Variants in EP400 observed in about 807,000 individuals in gnomAD.
EP400 encodes the protein E1A-binding protein p400.
Under a neutral mutation model 354.1 loss-of-function variants are expected in EP400, and 105 were observed. That is an observed-to-expected ratio of 0.30 (90% CI 0.25 to 0.35). EP400 has a LOEUF of 0.35. Ranked by LOEUF, EP400 falls within the 10% of genes least tolerant of loss-of-function variation. EP400 has a pLI of 1.00. For synonymous variants in EP400, 1,646 were observed against 1,716.9 expected (o/e 0.96, Z 1.02); for missense variants, 3,280 against 4,121.0 (o/e 0.80, Z 5.59).
At position 132,023,821 on chromosome 12, in the gene EP400, C is replaced by A. The variant is rs1404149585; in HGVS notation, c.4735C>A (p.Pro1579Thr). Residue 1579 changes from proline to threonine, a missense_variant, in exon 24 of 53, where the codon CCA becomes ACA. By Grantham distance (38) the Pro-to-Thr change is conservative. This residue lies in a region of EP400 where 342 missense variants were observed against 342.7 expected (regional missense o/e 1.00). Transcript: ENST00000389561. ...KIAQLASITGPQSRVAQPETP... is the reference protein window; with the variant it reads ...KIAQLASITGTQSRVAQPETP... ...AGCTCAGCTGGCATCCATCACAGGA[C>A]CACAGAGCCGCGTGGCTCAGCCAGA... The A allele has an allele frequency of 6.2e-7, 1 of 1,613,982 alleles. No individual in the cohort carries two copies.
intron 5 of EP400, among the ~76,000 whole-genome samples, chr12:131,983,654 T>A (rs1464099850): frequency 1.3e-5 from 2 of 152,138 alleles, no homozygotes; most frequent in Non-Finnish European, 2.9e-5. Flanking sequence ...ACAAAGGAAT[T>A]TCCTAGGTGG....
chr12:131,996,756 ATGAAG>A (rs1052117637), intron 12 of EP400, among the ~76,000 whole-genome samples: 4 of 152,182 alleles, frequency 2.6e-5, no homozygotes, highest in African/African-American at 9.7e-5. Flanking sequence ...GTGATAACTG[ATGAAG>A]TGAAGCATCT....
chr12:132,076,526 T>C lies in EP400; in HGVS notation c.9032T>C (p.Leu3011Pro). ...QVQTQIQVAK[L>P]PQVVQQQTPV... Reference sequence around the variant, plus strand: ...TTTGTTTTGTCAAAGGTTGCAAAACTTCCTCAAGTTGTTCAACAGCAAACA... The same window carrying C: ...TTTGTTTTGTCAAAGGTTGCAAAACCTCCTCAAGTTGTTCAACAGCAAACA... Residue 3011 changes from leucine to proline, a missense_variant, in exon 52 of 53, where the codon CTT (leucine) becomes CCT (proline). This residue lies in a region of EP400 where 279 missense variants were observed against 386.7 expected (regional missense o/e 0.72). Coordinates refer to ENST00000389561, the MANE Select transcript of EP400 (RefSeq NM_015409.5). 1.2e-6 allele frequency: 2 copies of C among 1,614,188 alleles called. No individual in the cohort carries two copies. Among genetic ancestry groups the C allele is most frequent in the Non-Finnish European group, 1.7e-6 (2 of 1,180,014 alleles).
intron 23 of EP400, 70 bp from the exon 24 acceptor site, chr12:132,023,707 C>A: frequency 6.6e-7 from 1 of 1,511,976 alleles, no homozygotes; most frequent in South Asian, 1.2e-5. Context: ...CAAGAAACGA[C>A]TGTCAATATG....
chr12:131,993,948 G>A (rs1416873552), intron 11 of EP400, among the ~76,000 whole-genome samples: 2 of 152,204 alleles, frequency 1.3e-5, no homozygotes, highest in Non-Finnish European at 2.9e-5. Flanking sequence ...CTCAGAGAAG[G>A]CCAAATTAAC....
intron 2 of EP400, 122 bp downstream of exon 2, chr12:131,962,076 G>A: frequency 7.6e-7 from 1 of 1,314,288 alleles, no homozygotes; most frequent in Non-Finnish European, 1.0e-6. Flanking sequence ...TAAGGTGTTG[G>A]GGCAAGGATT....
intron 3 of EP400, 40 bp downstream of exon 3, chr12:131,979,833 C>G: frequency 1.3e-6 from 2 of 1,531,884 alleles, no homozygotes; most frequent in Non-Finnish European, 1.8e-6. Context: ...GAATGCCCCC[C>G]TCTCCTTGGG....
chr12:132,062,316 G>A lies in EP400; in HGVS notation c.8091G>A (p.Val2697=). ...QTPARSLVPQ[V]SQATGVQLPG... is the part of the protein sequence containing the mutation. Reference sequence around the variant, plus strand: ...CGGCACGGTCTTTGGTGCCCCAAGTGTCCCAAGGTAAAGCCAGGCTGGGAG... The same window carrying A: ...CGGCACGGTCTTTGGTGCCCCAAGTATCCCAAGGTAAAGCCAGGCTGGGAG... Residue 2697 remains valine, a synonymous_variant, in exon 46 of 53, where the codon GTG becomes GTA. Transcript: ENST00000389561. The A allele has an allele frequency of 6.2e-7, 1 of 1,614,124 alleles. No individual in the cohort carries two copies. The highest frequency in any genetic ancestry group is 8.5e-7 in the Non-Finnish European group (1 of 1,179,996).
intron 12 of EP400, among the ~76,000 whole-genome samples, chr12:131,997,398 A>G (rs1312004916): frequency 6.6e-6 from 1 of 151,522 alleles, no homozygotes; most frequent in Non-Finnish European, 1.5e-5. Context: ...GCTCCCAAGT[A>G]GCTGGGACTA....
At position 132,025,535 on chromosome 12, in the gene EP400, A is replaced by G. The variant is rs964177300; in HGVS notation, c.4856-111A>G. The G allele has an allele frequency of 3.3e-5, 42 of 1,276,150 alleles. 2 individuals are homozygous for G. The South Asian group carries it at 5.7e-4, about 17-fold the overall frequency. The allele number at this position is 1,276,150 out of a possible 1,614,324, so 79.1% of individuals were successfully genotyped here. A position where few individuals can be genotyped will look rare whatever the true frequency, so the allele number is the denominator to read the frequency against. On this transcript the variant is annotated intron_variant, in intron 24 of 52. Transcript: ENST00000389561. This position sits in a 1 kb window ranked among gnomAD's most constrained non-coding sequence, Gnocchi z 4.1. Reference sequence around the variant, plus strand: ...ACTTTGCATTGATTTTTTTGTGTAGATTTGATTTTCAGTTTGTCAACTTAT... The same window carrying G: ...ACTTTGCATTGATTTTTTTGTGTAGGTTTGATTTTCAGTTTGTCAACTTAT...
At chr12:132,049,315 C>A (rs942523002) in intron 39 of EP400, among the ~76,000 whole-genome samples, 3 of 152,274 alleles carry the variant, frequency 2.0e-5, no homozygotes, top group African/African-American at 7.2e-5. Flanking sequence ...TTATGCACCC[C>A]TTCTCCCTGC....
At chr12:131,980,045 G>T (rs962542978) in intron 3 of EP400, among the ~76,000 whole-genome samples, 14 of 152,222 alleles carry the variant, frequency 9.2e-5, no homozygotes, top group African/African-American at 3.4e-4. Flanking sequence ...AGGCTCTTGA[G>T]TCATCACGGT....
chr12:132,039,811 G>A (rs999371283), intron 32 of EP400, among the ~76,000 whole-genome samples: 1 of 152,242 alleles, frequency 6.6e-6, no homozygotes, highest in Non-Finnish European at 1.5e-5. Context: ...AGCCGAGGCT[G>A]GAGGATGGCT....
chr12:132,079,935 C>T lies in EP400; in HGVS notation c.*2262C>T, dbSNP rs1192106904. ...TTAGTGTGTTATTTTCTTGGCCTTC[C>T]CTTTTAAAGGTTAAAGTTTCTAACC... On this transcript the variant is annotated 3_prime_UTR_variant, in exon 53 of 53. Transcript: ENST00000389561. 6.6e-6 allele frequency: 1 copy of T among 152,164 alleles called. No individual in the cohort carries two copies. The highest frequency in any genetic ancestry group is 1.5e-5 in the Non-Finnish European group (1 of 68,044). 9.4% of individuals were successfully genotyped at this position (152,164 alleles called of 1,614,324 possible).
At chr12:132,069,220 A>G in intron 50 of EP400, 1 of 415,408 alleles carries the variant, frequency 2.4e-6, no homozygotes, top group South Asian at 5.1e-5. Flanking sequence ...CAGCCCGACT[A>G]TTCAGGGAGC....
chr12:132,076,359 C>G (rs1188206335), intron 51 of EP400, 157 bp from the exon 52 acceptor site: 7 of 754,088 alleles, frequency 9.3e-6, no homozygotes, highest in Middle Eastern at 2.2e-4. Context: ...GACTTGCTCT[C>G]TCACTGCTGC....
intron 2 of EP400, among the ~76,000 whole-genome samples, chr12:131,962,369 T>G (rs1261393743): frequency 1.3e-5 from 2 of 152,184 alleles, no homozygotes; most frequent in East Asian, 3.8e-4. Flanking sequence ...TTTGTCTGGT[T>G]TTCCAAGTTT....
rs150755249 is a variant in EP400 at position 132,017,675 on chromosome 12, C to T, written c.4064C>T (p.Pro1355Leu). 56 of 1,572,964 alleles carry T rather than the reference C, an allele frequency of 3.6e-5. 1 individual carries two copies. Among genetic ancestry groups the T allele is most frequent in the South Asian group, 2.3e-4 (20 of 86,212 alleles). Reference protein sequence around the residue: ...SSYVAGPLEYPSASLILKALE... With the variant: ...SSYVAGPLEYLSASLILKALE... ...TACGTGGCGGGGCCACTGGAGTATC[C>T]GTCCGCATCTCTAATCCTGAAGGCA... The change falls in exon 20 of 53, where the codon CCG becomes CTG. Residue 1355 changes from proline (P) to leucine (L), a missense_variant. This residue lies in a region of EP400 where 342 missense variants were observed against 342.7 expected (regional missense o/e 1.00). Coordinates refer to ENST00000389561, the MANE Select transcript of EP400 (RefSeq NM_015409.5). The surrounding 1 kb of genome is among the most constrained non-coding windows in gnomAD (Gnocchi z 5.0).
chr12:132,054,980 A>G lies in EP400; in HGVS notation c.7735A>G (p.Thr2579Ala). ...TGGSAAVLAG[T>A]IKTSVTGTSM... The stretch of plus-strand genomic sequence containing the variant: ...ATTTTTTTTTTTTAAATAGGCAGGA[A>G]CCATTAAAACATCAGTTACTGGGAC... The change falls in exon 44 of 53, where the codon ACC becomes GCC. Residue 2579 changes from threonine to alanine, a missense_variant. Thr to Ala is a moderately conservative substitution (Grantham distance 58). Around this residue, in one of 20 missense-constraint regions of EP400, gnomAD observed 255 missense variants for 295.9 expected, o/e 0.86. Coordinates refer to ENST00000389561, the MANE Select transcript of EP400 (RefSeq NM_015409.5). The surrounding 1 kb of genome is among the most constrained non-coding windows in gnomAD (Gnocchi z 4.0). 2 of 1,613,978 alleles carry G rather than the reference A, an allele frequency of 1.2e-6. No individual in the cohort carries two copies. Among genetic ancestry groups the G allele is most frequent in the African/African-American group, 1.3e-5 (1 of 74,994 alleles).
Sources: gnomAD v4.1 joint callset for allele counts (sites outside exome capture counted in the v4.1 genomes callset) on GRCh38, gnomAD v4.1.1 for gene constraint, gnomAD v4.1.1 regional missense constraint, Gnocchi (gnomAD v3.1) non-coding constraint, MANE v1.5 for transcripts, NCBI Gene and HGNC (gene_info 2026-07-23, HGNC 2026-07-21) for gene names.